The following MAGI2 variants were observed in gnomAD, a reference collection of about 807,000 sequenced individuals.
The protein encoded by MAGI2 is membrane associated guanylate kinase, WW and PDZ domain containing 2.
A neutral mutation model predicts 133.3 loss-of-function variants in MAGI2; 35 were observed. The ratio of observed to expected loss-of-function variants is 0.26; its 90% CI spans 0.20 to 0.35. The LOEUF is 0.35. MAGI2 is among the 10% of genes least tolerant of loss of function. The probability of loss-of-function intolerance (pLI) is 1.00; values close to 1 mark genes in which losing one functional copy is unlikely to be tolerated. For synonymous variants in MAGI2, 729 were observed against 710.6 expected (o/e 1.03, Z -0.41); for missense variants, 1,636 against 1,863.4 (o/e 0.88, Z 2.25).
At chr7:78,981,779 T>C (rs1226805583) in intron 2 of MAGI2, among the ~76,000 whole-genome samples, 1 of 151,948 alleles carries the variant, frequency 6.6e-6, no homozygotes, top group African/African-American at 2.4e-5. Context: ...CTAGAACCAA[T>C]CTGAGCTTGG....
At chr7:79,154,553 T>C (rs1260207736) in intron 1 of MAGI2, among the ~76,000 whole-genome samples, 1 of 152,156 alleles carries the variant, frequency 6.6e-6, no homozygotes, top group East Asian at 1.9e-4. Flanking sequence ...AAAGAAGTAC[T>C]TCAATGGCTG....
chr7:79,418,252 T>G (rs1846684262), intron 1 of MAGI2, among the ~76,000 whole-genome samples: 1 of 152,042 alleles, frequency 6.6e-6, no homozygotes, highest in Non-Finnish European at 1.5e-5. Flanking sequence ...TAATAAGATA[T>G]TAAGGGAAAT....
At chr7:79,172,248 G>A (rs1825689882) in intron 1 of MAGI2, among the ~76,000 whole-genome samples, 1 of 152,040 alleles carries the variant, frequency 6.6e-6, no homozygotes, top group Non-Finnish European at 1.5e-5. Flanking sequence ...AAAACTATAA[G>A]ATGAGAATTT....
chr7:78,406,027 C>T (rs911466014), intron 6 of MAGI2, among the ~76,000 whole-genome samples: 4 of 151,790 alleles, frequency 2.6e-5, no homozygotes, highest in African/African-American at 9.7e-5. Context: ...GAAAAAGTGC[C>T]TGTTTAGTTA....
intron 1 of MAGI2, among the ~76,000 whole-genome samples, chr7:79,214,403 CTCTCTATATATATA>C (rs1421691707): frequency 5.3e-4 from 22 of 41,452 alleles, no homozygotes; most frequent in Middle Eastern, 0.018. Context: ...CTCTCTCTCT[CTCTCTATATATATA>C]TATATATATA....
At chr7:78,046,938 TGTTG>T (rs1002675796) in intron 21 of MAGI2, among the ~76,000 whole-genome samples, 1 of 152,238 alleles carries the variant, frequency 6.6e-6, no homozygotes, top group African/African-American at 2.4e-5. Flanking sequence ...ATATATTACA[TGTTG>T]GTTTATAACA....
chr7:79,007,413 T>A (rs1219025266), intron 1 of MAGI2, among the ~76,000 whole-genome samples: 1 of 152,220 alleles, frequency 6.6e-6, no homozygotes, highest in Non-Finnish European at 1.5e-5. Flanking sequence ...CTGTGTTCAA[T>A]GCTTTGCATG....
At chr7:78,241,109 A>G (rs1426928222) in intron 10 of MAGI2, among the ~76,000 whole-genome samples, 1 of 151,904 alleles carries the variant, frequency 6.6e-6, no homozygotes, top group Admixed American at 6.6e-5. Flanking sequence ...CAGCACCTAG[A>G]CTAGTGCTGG....
chr7:78,396,300 G>A (rs1796339982), intron 6 of MAGI2, among the ~76,000 whole-genome samples: 1 of 152,112 alleles, frequency 6.6e-6, no homozygotes, highest in Middle Eastern at 3.2e-3. Flanking sequence ...AGACTACAGG[G>A]TCTTCCATTC....
chr7:78,539,561 C>T (rs2150663489), intron 3 of MAGI2, among the ~76,000 whole-genome samples: 1 of 152,212 alleles, frequency 6.6e-6, no homozygotes, highest in East Asian at 1.9e-4. Context: ...ACTACTTTTG[C>T]TGTATTCCAG....
chr7:78,446,993 C>T (rs1170089112), intron 6 of MAGI2, among the ~76,000 whole-genome samples: 2 of 151,972 alleles, frequency 1.3e-5, no homozygotes, highest in African/African-American at 2.4e-5. Flanking sequence ...TTTGATTATC[C>T]TATTCAAATG....
intron 21 of MAGI2, among the ~76,000 whole-genome samples, chr7:78,077,691 A>G (rs936868497): frequency 6.7e-6 from 1 of 149,310 alleles, no homozygotes; most frequent in Non-Finnish European, 1.5e-5. Context: ...GTATGCAAAA[A>G]GAATAATCTG....
At chr7:78,316,071 G>A (rs982926763) in intron 9 of MAGI2, among the ~76,000 whole-genome samples, 1 of 152,170 alleles carries the variant, frequency 6.6e-6, no homozygotes, top group African/African-American at 2.4e-5. Context: ...TGTCTTAGCT[G>A]TCCGTCTGTG....
intron 9 of MAGI2, among the ~76,000 whole-genome samples, chr7:78,309,496 A>G (rs558644023): frequency 8.5e-5 from 13 of 152,296 alleles, no homozygotes; most frequent in Middle Eastern, 3.4e-3. Context: ...TTGGGTATAC[A>G]TGGACGCAAA....
intron 2 of MAGI2, among the ~76,000 whole-genome samples, chr7:78,965,892 G>A (rs1434397440): frequency 5.3e-5 from 8 of 151,934 alleles, no homozygotes; most frequent in African/African-American, 9.7e-5. Context: ...AGGACTCTGC[G>A]GAATCAAAAA....
At chr7:78,346,342 G>T (rs926654088) in intron 7 of MAGI2, among the ~76,000 whole-genome samples, 1 of 152,202 alleles carries the variant, frequency 6.6e-6, no homozygotes, top group Non-Finnish European at 1.5e-5. Context: ...CATTTGAGAT[G>T]AGTTTAATAT....
At chr7:79,436,327 G>A (rs1005802537) in intron 1 of MAGI2, among the ~76,000 whole-genome samples, 37 of 151,492 alleles carry the variant, frequency 2.4e-4, no homozygotes, top group Non-Finnish European at 5.0e-4. Flanking sequence ...AAAGGCAATC[G>A]CAACAAAAAC....
chr7:78,300,470 A>G (rs547657239), intron 9 of MAGI2, among the ~76,000 whole-genome samples: 105 of 152,312 alleles, frequency 6.9e-4, no homozygotes, highest in South Asian at 1.2e-3. Context: ...GAAATTTCAT[A>G]TTGCACTTAT....
intron 21 of MAGI2, among the ~76,000 whole-genome samples, chr7:78,044,674 GT>G (rs1217646168): frequency 2.7e-5 from 3 of 110,514 alleles, no homozygotes; most frequent in Non-Finnish European, 3.7e-5. Flanking sequence ...TGAGGCTAAT[GT>G]ACCGTGTGTG....
Sources: allele counts gnomAD v4.1 joint callset (sites outside exome capture counted in the v4.1 genomes callset), GRCh38; gene constraint gnomAD v4.1.1; transcripts MANE v1.5; gene names NCBI Gene and HGNC (gene_info 2026-07-23, HGNC 2026-07-21).